DLG5: variants seen among roughly 807,000 people sequenced by gnomAD.
DLG5 encodes the protein discs large MAGUK scaffold protein 5.
DLG5 carries 48 observed loss-of-function variants against 189.8 expected under a neutral mutation model. The ratio of observed to expected loss-of-function variants is 0.25; its 90% CI spans 0.20 to 0.32. The LOEUF is 0.32. DLG5 is among the 10% of genes least tolerant of loss of function. The probability of loss-of-function intolerance (pLI) is 1.00; values close to 1 mark genes in which losing one functional copy is unlikely to be tolerated. For missense variants in DLG5, 2,160 were observed against 2,544.7 expected, an observed-to-expected ratio of 0.85 and a Z score of 3.25; for synonymous variants, 1,016 against 1,054.1, an observed-to-expected ratio of 0.96 and a Z score of 0.70.
At position 77,828,435 on chromosome 10, in the gene DLG5, C is replaced by T. The variant is rs191799371; in HGVS notation, c.2289+447G>A. Among the ~76,000 whole-genome samples the T allele has an allele frequency of 6.4e-5, 8 of 125,714 alleles. No individual in the cohort carries two copies. The Admixed American group carries it at 6.4e-4, about 10-fold the overall frequency. 82.5% of individuals were successfully genotyped at this position (125,714 alleles called of 152,430 possible). On this transcript the variant is annotated intron_variant, in intron 13 of 31. Transcript: ENST00000372391. Reference sequence around the variant, plus strand: ...ACGAAAGTCAGAGGTTGCAGTGAGCCGGGATTGCGCCACTGCGTTCTAACC... The same window carrying T: ...ACGAAAGTCAGAGGTTGCAGTGAGCTGGGATTGCGCCACTGCGTTCTAACC...
intron 20 of DLG5, among the ~76,000 whole-genome samples, chr10:77,815,584 T>G (rs1431556969): frequency 6.6e-6 from 1 of 152,050 alleles, no homozygotes; most frequent in Non-Finnish European, 1.5e-5. Context: ...CGCCTTGAAC[T>G]TGGGAGGCAG....
In DLG5 at chr10:77,856,718, C is replaced by T. The variant is rs1047208942; in HGVS notation, c.536+12G>A. ...CATGGGGCCTGGGCAGGGGAGACGG[C>T]GCAATTACTACCTCTTGTCAAAGGC... On this transcript the variant is annotated intron_variant, in intron 3 of 31. Transcript: ENST00000372391. 11 of 1,609,976 alleles carry T rather than the reference C, an allele frequency of 6.8e-6. No individual in the cohort carries two copies. Among genetic ancestry groups the T allele is most frequent in the African/African-American group, 2.7e-5 (2 of 74,830 alleles).
At chr10:77,890,565 C>A (rs971411442) in intron 1 of DLG5, among the ~76,000 whole-genome samples, 1 of 152,124 alleles carries the variant, frequency 6.6e-6, no homozygotes, top group Non-Finnish European at 1.5e-5. Context: ...GCCTGTAATC[C>A]CAACACTTTG....
intron 1 of DLG5, among the ~76,000 whole-genome samples, chr10:77,914,931 G>T (rs559150744): frequency 6.6e-6 from 1 of 152,134 alleles, no homozygotes; most frequent in Non-Finnish European, 1.5e-5. Context: ...CTTCATTCTT[G>T]GCGAACTCCA....
At chr10:77,876,379 T>C (rs1340594304) in intron 1 of DLG5, among the ~76,000 whole-genome samples, 1 of 142,992 alleles carries the variant, frequency 7.0e-6, no homozygotes, top group Non-Finnish European at 1.5e-5. Context: ...CTCTCTTTTT[T>C]TTTTTTTTTT....
At chr10:77,812,434 G>C in intron 20 of DLG5, 57 bp from the exon 21 acceptor site, 3 of 1,573,312 alleles carry the variant, frequency 1.9e-6, no homozygotes, top group Non-Finnish European at 2.6e-6. Context: ...GTTGGGGAGA[G>C]CCTGAGCTCT....
Position 77,796,377 on chromosome 10 carries a change from G to A in DLG5, c.5308+74C>T, listed in dbSNP as rs541432404. On this transcript the variant is annotated intron_variant, in intron 28 of 31. Transcript: ENST00000372391. This position sits in a 1 kb window ranked among gnomAD's most constrained non-coding sequence, Gnocchi z 5.2. ...CCGGTACTGCCACCCACTGTGCACA[G>A]CTGGGCAGGCAGGTGGACAGGGACA... 1 of 1,609,422 alleles carries A rather than the reference G, an allele frequency of 6.2e-7. No individual in the cohort carries two copies. The highest frequency in any genetic ancestry group is 1.1e-5 in the South Asian group (1 of 90,656).
At chr10:77,854,189 T>C in intron 4 of DLG5, 38 bp downstream of exon 4, 1 of 1,609,358 alleles carries the variant, frequency 6.2e-7, no homozygotes. Context: ...CAGCTGTCTG[T>C]GGGTGTTGGA....
chr10:77,901,976 G>A (rs1477757406), intron 1 of DLG5, among the ~76,000 whole-genome samples: 2 of 152,154 alleles, frequency 1.3e-5, no homozygotes, highest in African/African-American at 2.4e-5. Context: ...GACTCCCCAA[G>A]GCCACTCCCA....
At chr10:77,931,773 C>T in the DLG5 span, among the ~76,000 whole-genome samples, 1 of 152,166 alleles carries the variant, frequency 6.6e-6, no homozygotes, top group East Asian at 1.9e-4. Flanking sequence ...TTCCCTCCTG[C>T]AGAGGAGCTG....
chr10:77,856,675 C>A, intron 3 of DLG5, 55 bp downstream of exon 3: 3 of 1,583,684 alleles, frequency 1.9e-6, no homozygotes, highest in Non-Finnish European at 2.6e-6. Flanking sequence ...GCACCAGCAT[C>A]GGGGTAGTAA....
At chr10:77,862,721 T>A (rs1844519604) in intron 2 of DLG5, among the ~76,000 whole-genome samples, 1 of 152,190 alleles carries the variant, frequency 6.6e-6, no homozygotes, top group South Asian at 2.1e-4. Flanking sequence ...GGAGTATTAC[T>A]CAGCAATGAA....
At chr10:77,926,883 G>A, upstream of DLG5, 2 of 326,694 alleles carry the variant, frequency 6.1e-6, no homozygotes, top group South Asian at 2.1e-5. The surrounding 1 kb of genome is among the most constrained non-coding windows in gnomAD (Gnocchi z 5.2). Context: ...CGCGCGCGCC[G>A]CCCGCCCCGC....
At chr10:77,830,908 G>T (rs200763733) in intron 9 of DLG5, 35 bp from the exon 10 acceptor site, 2 of 1,609,382 alleles carry the variant, frequency 1.2e-6, no homozygotes, top group Admixed American at 3.3e-5. Flanking sequence ...ACAGCCCCTT[G>T]GGAGGTGAAA....
At chr10:77,874,184 C>G (rs754793282) in intron 1 of DLG5, among the ~76,000 whole-genome samples, 10 of 152,342 alleles carry the variant, frequency 6.6e-5, no homozygotes, top group Non-Finnish European at 1.5e-4. Context: ...CTGTGAGTAG[C>G]CTTCAGAAGA....
chr10:77,896,158 A>G (rs1043171751), intron 1 of DLG5, among the ~76,000 whole-genome samples: 2 of 148,486 alleles, frequency 1.3e-5, no homozygotes, highest in African/African-American at 5.0e-5. Context: ...AAAAAAAAAT[A>G]GTAGTGAGTG....
At chr10:77,855,929 A>C (rs1424136088) in intron 3 of DLG5, among the ~76,000 whole-genome samples, 1 of 151,938 alleles carries the variant, frequency 6.6e-6, no homozygotes, top group Non-Finnish European at 1.5e-5. Context: ...GTAGATAAAG[A>C]CTCTCTCTGC....
At chr10:77,859,765 T>A (rs2579137) in intron 2 of DLG5, among the ~76,000 whole-genome samples, 1 of 152,150 alleles carries the variant, frequency 6.6e-6, no homozygotes, top group Non-Finnish European at 1.5e-5. Context: ...GCCACCAGCA[T>A]CATGACAGCC....
chr10:77,792,560 C>G lies in DLG5; in HGVS notation c.5657-17G>C. The G allele has an allele frequency of 6.2e-7, 1 of 1,612,678 alleles. No individual in the cohort carries two copies. Among genetic ancestry groups the G allele is most frequent in the Middle Eastern group, 1.7e-4 (1 of 6,058 alleles). On this transcript the variant is annotated splice_polypyrimidine_tract_variant and intron_variant, in intron 31 of 31. Transcript: ENST00000372391. ...GGATGACCCCTGCAAAAGAGCCCCC[C>G]AGACACGTCATTCAGCTCAGAGTAA...
Sources: gnomAD v4.1 joint callset for allele counts (sites outside exome capture counted in the v4.1 genomes callset) on GRCh38, gnomAD v4.1.1 for gene constraint, Gnocchi (gnomAD v3.1) non-coding constraint, MANE v1.5 for transcripts, NCBI Gene and HGNC (gene_info 2026-07-23, HGNC 2026-07-21) for gene names.